The following GXYLT2 variants were observed in gnomAD, a reference collection of about 807,000 sequenced individuals.
GXYLT2 encodes glycosyltransferase 8 domain containing 4.
GXYLT2 carries 53 observed loss-of-function variants against 45.8 expected under a neutral mutation model. The observed-to-expected ratio is 1.16, with a 90% CI of 0.93 to 1.46. GXYLT2 has a LOEUF of 1.46. Among genes scored for constraint, GXYLT2 ranks in the 40% most tolerant of loss-of-function variants. The pLI is 0.00. For synonymous variants in GXYLT2, 219 were observed against 214.2 expected, an observed-to-expected ratio of 1.02 and a Z score of -0.19; for missense variants, 551 against 544.4, an observed-to-expected ratio of 1.01 and a Z score of -0.12.
At chr3:72,917,780 A>G (rs894064007) in intron 2 of GXYLT2, among the ~76,000 whole-genome samples, 13 of 151,814 alleles carry the variant, frequency 8.6e-5, no homozygotes, top group African/African-American at 3.1e-4. Flanking sequence ...AAAAGTTTAT[A>G]TGGTTATATA....
intron 2 of GXYLT2, among the ~76,000 whole-genome samples, chr3:72,918,825 C>G (rs952732366): frequency 6.6e-6 from 1 of 151,028 alleles, no homozygotes; most frequent in African/African-American, 2.5e-5. Context: ...AAGGCTCTGT[C>G]TCAAAAAGAA....
chr3:72,963,302 C>T (rs1456023174), intron 5 of GXYLT2, among the ~76,000 whole-genome samples: 1 of 152,112 alleles, frequency 6.6e-6, no homozygotes, highest in Non-Finnish European at 1.5e-5. Context: ...AGGCTGGGCA[C>T]AGTGGCTGAC....
At chr3:72,960,860 G>A (rs1288049316) in intron 5 of GXYLT2, among the ~76,000 whole-genome samples, 3 of 152,268 alleles carry the variant, frequency 2.0e-5, no homozygotes, top group South Asian at 2.1e-4. Flanking sequence ...TATTGGCCAC[G>A]GCACAGCAGA....
At chr3:72,941,961 A>C (rs1353849167) in intron 3 of GXYLT2, among the ~76,000 whole-genome samples, 1 of 152,184 alleles carries the variant, frequency 6.6e-6, no homozygotes, top group Non-Finnish European at 1.5e-5. Context: ...CATCCTCCAA[A>C]GGAACCCAGG....
chr3:72,933,587 C>T lies in GXYLT2; in HGVS notation c.600+11252C>T, dbSNP rs188140720. On this transcript the variant is annotated intron_variant, in intron 3 of 6. Coordinates refer to ENST00000389617, the MANE Select transcript of GXYLT2 (RefSeq NM_001080393.2). ...TGAACGTGATCATAATTGATTCAGG[C>T]TGAGTTAATCAGAAGAGAATTTGAT... Among the ~76,000 whole-genome samples, 4 of 152,170 alleles carry T rather than the reference C, an allele frequency of 2.6e-5. No individual in the cohort carries two copies. The South Asian group carries it at 8.3e-4, about 32-fold the overall frequency.
intron 3 of GXYLT2, among the ~76,000 whole-genome samples, chr3:72,941,135 G>A (rs58544352): frequency 0.023 from 3,544 of 152,210 alleles, 140 homozygotes; most frequent in African/African-American, 0.081. Context: ...TTCTGACCAT[G>A]TGTTCTGGGT....
At position 72,976,565 on chromosome 3, in the gene GXYLT2, T is replaced by C. The variant is rs1254897094; in HGVS notation, c.*1406T>C. On this transcript the variant is annotated 3_prime_UTR_variant, in exon 7 of 7. Transcript: ENST00000389617. ...TTTCCCCCTAGGGTTACCTAGCTGG[T>C]CCATACAGGTTTTATCACCTCACTG... The C allele has an allele frequency of 6.6e-6, 1 of 152,206 alleles. No homozygotes were observed. Among genetic ancestry groups the C allele is most frequent in the African/African-American group, 2.4e-5 (1 of 41,466 alleles). The allele number at this position is 152,206 out of a possible 1,614,324, so 9.4% of individuals were successfully genotyped here.
At chr3:72,957,504 C>A (rs569220231) in intron 5 of GXYLT2, among the ~76,000 whole-genome samples, 152 bp downstream of exon 5, 3 of 152,058 alleles carry the variant, frequency 2.0e-5, no homozygotes, top group African/African-American at 2.4e-5. Context: ...CATCCGCCCC[C>A]CTGGGTATCT....
intron 3 of GXYLT2, among the ~76,000 whole-genome samples, chr3:72,947,910 G>A (rs908565939): frequency 1.3e-5 from 2 of 152,164 alleles, no homozygotes; most frequent in African/African-American, 4.8e-5. Context: ...TCTGGACATT[G>A]CATAACGATG....
In GXYLT2 at chr3:72,911,248, C is replaced by A. The variant is rs567693011; in HGVS notation, c.468+2689C>A. ...GGAGTTGCAGTGAGCTGAGATTGTG[C>A]CATTGCACTCTAGCCTGGGCGACAG... On this transcript the variant is annotated intron_variant, in intron 2 of 6. Coordinates refer to ENST00000389617, the MANE Select transcript of GXYLT2 (RefSeq NM_001080393.2). 4.6e-5 allele frequency among the ~76,000 whole-genome samples: 7 copies of A among 152,134 alleles called. No individual in the cohort carries two copies. The South Asian group carries it at 1.5e-3, about 32-fold the overall frequency.
At position 72,888,081 on chromosome 3, in the gene GXYLT2, C is replaced by CGCCGCCGGCCG; in HGVS notation, c.-152_-142dup. The CGCCGCCGGCCG allele has an allele frequency of 3.3e-6, 1 of 301,274 alleles. No individual in the cohort carries two copies. The highest frequency in any genetic ancestry group is 4.8e-6 in the Non-Finnish European group (1 of 206,384). 18.7% of individuals were successfully genotyped at this position (301,274 alleles called of 1,614,324 possible). On this transcript the variant is annotated 5_prime_UTR_variant, in exon 1 of 7. Coordinates refer to ENST00000389617, the MANE Select transcript of GXYLT2 (RefSeq NM_001080393.2). ...TCTCCTCCTCCTTCGCCGTCGCCGCCGCCGCCGGCCGCCCGCCGGCCGCCA... is the reference window on the plus strand; with the variant it reads ...TCTCCTCCTCCTTCGCCGTCGCCGCCGCCGCCGGCCGGCCGCCGGCCGCCCGCCGGCCGCCA...
At chr3:72,899,199 C>T (rs1008377214) in intron 1 of GXYLT2, among the ~76,000 whole-genome samples, 3 of 152,180 alleles carry the variant, frequency 2.0e-5, no homozygotes, top group East Asian at 3.9e-4. Context: ...AACACACACA[C>T]GTATACACAT....
Position 72,975,684 on chromosome 3 carries a change from G to C in GXYLT2, c.*525G>C, listed in dbSNP as rs1711086896. 6.6e-6 allele frequency: 1 copy of C among 152,238 alleles called. No individual in the cohort carries two copies. The highest frequency in any genetic ancestry group is 2.4e-5 in the African/African-American group (1 of 41,438). The allele number at this position is 152,238 out of a possible 1,614,324, so 9.4% of individuals were successfully genotyped here. On this transcript the variant is annotated 3_prime_UTR_variant, in exon 7 of 7. Transcript: ENST00000389617. Reference sequence around the variant, plus strand: ...AAAAGATTGTTTCCATTTTAAAGCAGTTCCTTACAACCTTTTTTCTCTACT... The same window carrying C: ...AAAAGATTGTTTCCATTTTAAAGCACTTCCTTACAACCTTTTTTCTCTACT...
chr3:72,899,157 C>T (rs1211274220), intron 1 of GXYLT2, among the ~76,000 whole-genome samples: 2 of 152,152 alleles, frequency 1.3e-5, no homozygotes, highest in East Asian at 3.8e-4. Context: ...AGTTTTAAAG[C>T]TTATGTATGT....
chr3:72,963,531 C>A (rs1710807157), intron 5 of GXYLT2, among the ~76,000 whole-genome samples: 1 of 147,316 alleles, frequency 6.8e-6, no homozygotes, highest in Admixed American at 6.9e-5. Context: ...GAGACAGAGT[C>A]TCACCCTGTT....
intron 4 of GXYLT2, among the ~76,000 whole-genome samples, chr3:72,955,956 T>C (rs1710634999): frequency 6.6e-6 from 1 of 152,156 alleles, no homozygotes; most frequent in Non-Finnish European, 1.5e-5. Context: ...CGCACACCTG[T>C]AGTCCTAGCT....
chr3:72,904,324 C>T (rs574441916), intron 1 of GXYLT2, among the ~76,000 whole-genome samples: 10 of 152,326 alleles, frequency 6.6e-5, no homozygotes, highest in African/African-American at 2.2e-4. Context: ...AAAGGCACAC[C>T]GTGCCAGTGC....
intron 3 of GXYLT2, among the ~76,000 whole-genome samples, chr3:72,948,171 C>A (rs1175317605): frequency 6.6e-6 from 1 of 152,066 alleles, no homozygotes; most frequent in East Asian, 1.9e-4. Context: ...ATCCCTTTTT[C>A]TTTGTGTCTG....
rs568844359 is a variant in GXYLT2, at chr3:72,930,401, C to T, written c.600+8066C>T. Among the ~76,000 whole-genome samples, 8 of 151,320 alleles carry T rather than the reference C, an allele frequency of 5.3e-5. No homozygotes were observed. The East Asian group carries it at 1.4e-3, about 26-fold the overall frequency. ...CCTATAGTCCCAGCTACTCAGGAGA[C>T]TGAGGCAGGAGAATTGCTTGAGCCC... On this transcript the variant is annotated intron_variant, in intron 3 of 6. Coordinates refer to ENST00000389617, the MANE Select transcript of GXYLT2 (RefSeq NM_001080393.2).
Sources: allele counts gnomAD v4.1 joint callset (sites outside exome capture counted in the v4.1 genomes callset), GRCh38; gene constraint gnomAD v4.1.1; transcripts MANE v1.5; gene names NCBI Gene and HGNC (gene_info 2026-07-23, HGNC 2026-07-21).